The following PTPRD variants were observed in gnomAD, a reference collection of about 807,000 sequenced individuals.
The protein encoded by PTPRD is protein tyrosine phosphatase receptor type D, also known as receptor-type tyrosine-protein phosphatase delta.
PTPRD carries 34 observed loss-of-function variants against 214.5 expected under a neutral mutation model. The ratio of observed to expected loss-of-function variants is 0.16; its 90% CI spans 0.12 to 0.21. The LOEUF is 0.21. Ranked by LOEUF, PTPRD falls within the 10% of genes least tolerant of loss-of-function variation. The pLI, the probability that PTPRD is intolerant of heterozygous loss-of-function variation, is 1.00. For missense variants in PTPRD, 2,545 were observed against 2,398.7 expected (o/e 1.06, Z -1.27); for synonymous variants, 1,128 against 845.7 (o/e 1.33, Z -5.79).
intron 8 of PTPRD, among the ~76,000 whole-genome samples, chr9:9,555,707 T>C (rs2081349414): frequency 6.6e-6 from 1 of 152,124 alleles, no homozygotes; most frequent in Admixed American, 6.6e-5. Flanking sequence ...TGTCCTGATT[T>C]CTTATGTTTC....
intron 5 of PTPRD, among the ~76,000 whole-genome samples, chr9:9,921,756 A>T (rs2153875917): frequency 6.7e-6 from 1 of 150,204 alleles, no homozygotes; most frequent in South Asian, 2.1e-4. Context: ...TAGAAGTAAA[A>T]AAAAAAAAAC....
intron 3 of PTPRD, among the ~76,000 whole-genome samples, chr9:10,185,893 A>C (rs972174996): frequency 1.3e-5 from 2 of 152,112 alleles, no homozygotes; most frequent in Non-Finnish European, 2.9e-5. Context: ...GGAGAGGGCA[A>C]GTGTTTAATA....
intron 14 of PTPRD, among the ~76,000 whole-genome samples, chr9:8,542,237 G>A (rs781046723): frequency 2.6e-5 from 4 of 152,186 alleles, no homozygotes; most frequent in Non-Finnish European, 4.4e-5. Flanking sequence ...TACTGGGAGT[G>A]TATGTCGCTT....
At position 10,087,528 on chromosome 9, in the gene PTPRD, T is replaced by G. The variant is rs2098364707; in HGVS notation, c.-544-53738A>C. On this transcript the variant is annotated intron_variant, in intron 3 of 45. Transcript: ENST00000381196. ...AGCCTCCTATCAAACCCGAGCAAAG[T>G]GTTCTCAGGCAGAGTGGGACCAGGA... Among the ~76,000 whole-genome samples, 3 of 151,596 alleles carry G rather than the reference T, an allele frequency of 2.0e-5. No homozygotes were observed. In the South Asian group the frequency reaches 6.2e-4, roughly 31 times the overall value.
At chr9:8,895,741 G>A (rs1260089880) in intron 11 of PTPRD, among the ~76,000 whole-genome samples, 3 of 152,156 alleles carry the variant, frequency 2.0e-5, no homozygotes, top group Admixed American at 1.3e-4. Context: ...TGAAATGTGA[G>A]ACACTCCTCC....
At chr9:8,738,984 C>T (rs1344219940) in intron 11 of PTPRD, among the ~76,000 whole-genome samples, 1 of 152,198 alleles carries the variant, frequency 6.6e-6, no homozygotes, top group African/African-American at 2.4e-5. Flanking sequence ...CCCCAAATTA[C>T]TTCTTTTTAT....
chr9:9,385,712 A>G (rs1208008487), intron 9 of PTPRD, among the ~76,000 whole-genome samples: 3 of 152,156 alleles, frequency 2.0e-5, no homozygotes, highest in Admixed American at 6.5e-5. Flanking sequence ...CCATTAAACC[A>G]TGTACTTTTC....
chr9:9,295,342 G>A (rs369434618), intron 9 of PTPRD, among the ~76,000 whole-genome samples: 1 of 151,772 alleles, frequency 6.6e-6, no homozygotes, highest in Admixed American at 6.6e-5. Flanking sequence ...AATCTTTACA[G>A]CTTACTCCCT....
intron 11 of PTPRD, among the ~76,000 whole-genome samples, chr9:8,804,794 C>A (rs1344181538): frequency 6.6e-6 from 1 of 152,124 alleles, no homozygotes; most frequent in East Asian, 1.9e-4. Context: ...CGACATGATC[C>A]CTAGCCACAA....
chr9:9,439,104 T>A (rs7855246), intron 8 of PTPRD, among the ~76,000 whole-genome samples: 1 of 151,860 alleles, frequency 6.6e-6, no homozygotes, highest in Non-Finnish European at 1.5e-5. Context: ...ATTCATAAAG[T>A]AGTATAAAGT....
At chr9:9,177,718 A>G (rs2099925753) in intron 10 of PTPRD, among the ~76,000 whole-genome samples, 2 of 152,144 alleles carry the variant, frequency 1.3e-5, no homozygotes, top group South Asian at 2.1e-4. Flanking sequence ...AAAATGATGG[A>G]TGTAAACAAA....
At chr9:8,448,314 T>C (rs2095815045) in intron 34 of PTPRD, among the ~76,000 whole-genome samples, 1 of 152,022 alleles carries the variant, frequency 6.6e-6, no homozygotes, top group Non-Finnish European at 1.5e-5. Context: ...GACAATCGAG[T>C]GAGACTCTGT....
rs1263725427 is a variant in PTPRD, at chr9:8,449,794, T to C, written c.3919A>G (p.Asn1307Asp). 8.1e-6 allele frequency: 13 copies of C among 1,613,982 alleles called. No homozygotes were observed. Among genetic ancestry groups the C allele is most frequent in the Non-Finnish European group, 1.1e-5 (13 of 1,179,974 alleles). ...GGGTGGTGTGAAGGGATCTCCTTAT[T>C]GTTCGGTATGCTGCTTTTTCTAGAG... ...SDSRKSSIPN[N>D]KEIPSHHPTD... Residue 1307 changes from asparagine to aspartate, a missense_variant, in exon 34 of 46, where the codon AAT becomes GAT. Transcript: ENST00000381196.
At chr9:10,182,467 GATAAGT>G in intron 3 of PTPRD, among the ~76,000 whole-genome samples, 1 of 151,802 alleles carries the variant, frequency 6.6e-6, no homozygotes, top group South Asian at 2.1e-4. Flanking sequence ...TGAAAAATAT[GATAAGT>G]ATAACAATCA....
At position 9,556,853 on chromosome 9, in the gene PTPRD, G is replaced by A. The variant is rs543793162; in HGVS notation, c.-237+17879C>T. 1.8e-4 allele frequency among the ~76,000 whole-genome samples: 27 copies of A among 152,152 alleles called. No individual in the cohort carries two copies. In the South Asian group the frequency reaches 3.5e-3, roughly 20 times the overall value. On this transcript the variant is annotated intron_variant, in intron 8 of 45. Transcript: ENST00000381196. ...TCTCAGTGCCTTGCAGGGTCCTTTC[G>A]TTATCAGAAAAGAACAAAGGATTAG...
Position 8,904,100 on chromosome 9 carries a change from T to C in PTPRD, c.-104+114597A>G, listed in dbSNP as rs139832317. 4.1e-3 allele frequency among the ~76,000 whole-genome samples: 631 copies of C among 152,348 alleles called. 2 individuals are homozygous for C. Among genetic ancestry groups the C allele is most frequent in the African/African-American group, 0.014 (581 of 41,594 alleles). On this transcript the variant is annotated intron_variant, in intron 11 of 45. Transcript: ENST00000381196. ...TGAACACTGACATTCTCTTCACCAATTGTGAATAATTTGCAACAAATGGTT... is the reference window on the plus strand; with the variant it reads ...TGAACACTGACATTCTCTTCACCAACTGTGAATAATTTGCAACAAATGGTT...
chr9:8,934,533 A>ATC (rs2098983383), intron 11 of PTPRD, among the ~76,000 whole-genome samples: 1 of 116,492 alleles, frequency 8.6e-6, no homozygotes, highest in South Asian at 2.6e-4. Flanking sequence ...ATATATATAT[A>ATC]TGGGAAACCA....
intron 35 of PTPRD, among the ~76,000 whole-genome samples, chr9:8,429,380 C>T (rs2094900533): frequency 6.6e-6 from 1 of 152,154 alleles, no homozygotes; most frequent in East Asian, 1.9e-4. Context: ...AGAGTGAAAC[C>T]ACATGATCTC....
intron 11 of PTPRD, among the ~76,000 whole-genome samples, chr9:8,792,173 T>C (rs1312035528): frequency 1.3e-5 from 2 of 151,978 alleles, no homozygotes; most frequent in Non-Finnish European, 2.9e-5. Context: ...CATTTGGCCT[T>C]GGACACATGA....
Sources: allele counts gnomAD v4.1 joint callset (sites outside exome capture counted in the v4.1 genomes callset), GRCh38; gene constraint gnomAD v4.1.1; transcripts MANE v1.5; gene names NCBI Gene and HGNC (gene_info 2026-07-23, HGNC 2026-07-21).